MAML3: variants seen among roughly 807,000 people sequenced by gnomAD.
The protein encoded by MAML3 is mastermind like transcriptional coactivator 3.
In MAML3, 27 loss-of-function variants were observed where a neutral mutation model predicts 101.9. The observed-to-expected ratio is 0.27, with a 90% confidence interval of 0.20 to 0.37. MAML3 has a LOEUF of 0.37. Among genes scored for constraint, MAML3 ranks in the 10% least tolerant of loss-of-function variants. MAML3 has a pLI of 1.00. For missense variants in MAML3, 1,316 were observed against 1,444.9 expected, an observed-to-expected ratio of 0.91 and a Z score of 1.45; for synonymous variants, 501 against 555.9, an observed-to-expected ratio of 0.90 and a Z score of 1.39.
chr4:139,750,042 T>C (rs892291135), intron 2 of MAML3, among the ~76,000 whole-genome samples: 15 of 152,128 alleles, frequency 9.9e-5, no homozygotes, highest in African/African-American at 3.6e-4. Flanking sequence ...TACCCTGAAG[T>C]GCCAATAGGA....
chr4:139,964,472 C>T (rs895041007), intron 1 of MAML3, among the ~76,000 whole-genome samples: 2 of 152,072 alleles, frequency 1.3e-5, no homozygotes, highest in Admixed American at 1.3e-4. Context: ...ACTTAGAGGA[C>T]GGGTCAATAA....
chr4:139,797,073 C>G (rs779188992), intron 2 of MAML3, among the ~76,000 whole-genome samples: 17 of 152,132 alleles, frequency 1.1e-4, no homozygotes, highest in Non-Finnish European at 1.6e-4. Context: ...AGGTACTCCC[C>G]CTACATGACA....
chr4:139,956,207 T>G (rs1261080033), intron 1 of MAML3, among the ~76,000 whole-genome samples: 1 of 152,210 alleles, frequency 6.6e-6, no homozygotes, highest in African/African-American at 2.4e-5. Context: ...CATTCACGGA[T>G]ATGAGAGGAT....
intron 1 of MAML3, among the ~76,000 whole-genome samples, chr4:139,986,038 CATT>C (rs1447541957): frequency 6.6e-6 from 1 of 152,256 alleles, no homozygotes; most frequent in Non-Finnish European, 1.5e-5. Flanking sequence ...ATCTAGCCCT[CATT>C]ATGTTTCTTC....
chr4:139,987,891 G>A (rs902424996), intron 1 of MAML3, among the ~76,000 whole-genome samples: 8 of 151,258 alleles, frequency 5.3e-5, no homozygotes, highest in African/African-American at 1.9e-4. Flanking sequence ...GCATGGTGGC[G>A]GGCACCTGTA....
chr4:139,833,614 C>T (rs928696641), intron 2 of MAML3, among the ~76,000 whole-genome samples: 2 of 152,114 alleles, frequency 1.3e-5, no homozygotes, highest in African/African-American at 4.8e-5. Context: ...TACAGTGCTT[C>T]GACTCTGAGT....
intron 2 of MAML3, among the ~76,000 whole-genome samples, chr4:139,830,661 G>A (rs971154430): frequency 6.6e-5 from 10 of 151,886 alleles, no homozygotes; most frequent in Admixed American, 2.0e-4. Context: ...TGATCCGCCC[G>A]CCTCGGCCTC....
At chr4:140,038,217 C>T (rs1446902202) in intron 1 of MAML3, among the ~76,000 whole-genome samples, 1 of 103,082 alleles carries the variant, frequency 9.7e-6, no homozygotes, top group Non-Finnish European at 2.5e-5. Context: ...AACCACAGAA[C>T]CACAGAACTT....
intron 1 of MAML3, among the ~76,000 whole-genome samples, chr4:140,100,986 A>G (rs1417888881): frequency 1.3e-5 from 2 of 152,170 alleles, no homozygotes; most frequent in Non-Finnish European, 2.9e-5. Flanking sequence ...CCAAGGCTCC[A>G]TGGAGAGGCA....
In MAML3 at chr4:139,780,623, C is replaced by CTT. The variant is rs35929438; in HGVS notation, c.2080-49958_2080-49957dup. Among the ~76,000 whole-genome samples, 33 of 136,940 alleles carry CTT rather than the reference C, an allele frequency of 2.4e-4. 1 individual carries two copies. Among genetic ancestry groups the CTT allele is most frequent in the African/African-American group, 4.1e-4 (15 of 36,836 alleles). The allele number at this position is 136,940 out of a possible 152,430, so 89.8% of individuals were successfully genotyped here. ...GGTCGCCCATTTCTTTCTTTCTTTTCTTTTTTTTTTTTTTTTTTGGAGACA... is the reference window on the plus strand; with the variant it reads ...GGTCGCCCATTTCTTTCTTTCTTTTCTTTTTTTTTTTTTTTTTTTTGGAGACA... On this transcript the variant is annotated intron_variant, in intron 2 of 4. Coordinates refer to ENST00000509479, the MANE Select transcript of MAML3 (RefSeq NM_018717.5).
rs1309568878 is a variant in MAML3, at chr4:140,153,064, G to A, written c.264C>T (p.His88=). ...GCTGGTACCTGTTCTCGCAGTTGACGTGGTGCCGACGGCAGCCCTCGATGC... is the reference window on the plus strand; with the variant it reads ...GCTGGTACCTGTTCTCGCAGTTGACATGGTGCCGACGGCAGCCCTCGATGC... ...RQRIEGCRRH[H]VNCENRYQQA... The change falls in exon 1 of 5, where the codon CAC becomes CAT. Residue 88 remains histidine (H), a synonymous_variant. Coordinates refer to ENST00000509479, the MANE Select transcript of MAML3 (RefSeq NM_018717.5). 12 of 1,569,552 alleles carry A rather than the reference G, an allele frequency of 7.6e-6. No homozygotes were observed. Among genetic ancestry groups the A allele is most frequent in the East Asian group, 7.1e-5 (3 of 42,148 alleles).
chr4:139,761,609 G>A (rs11734419), intron 2 of MAML3, among the ~76,000 whole-genome samples: 84,397 of 152,084 alleles, frequency 0.55, 25,716 homozygotes, highest in Middle Eastern at 0.69. Context: ...GCAAGTATTC[G>A]CTGATGGCCC....
intron 1 of MAML3, among the ~76,000 whole-genome samples, chr4:140,093,663 C>T (rs1355225107): frequency 1.3e-5 from 2 of 151,920 alleles, no homozygotes; most frequent in Non-Finnish European, 2.9e-5. Flanking sequence ...CTCCTGATCT[C>T]GTGATCCGCC....
intron 1 of MAML3, among the ~76,000 whole-genome samples, chr4:140,044,384 G>C (rs1180084560): frequency 2.0e-5 from 3 of 152,144 alleles, no homozygotes; most frequent in Non-Finnish European, 4.4e-5. Context: ...TATTATTGTG[G>C]ATTGACAATA....
intron 1 of MAML3, among the ~76,000 whole-genome samples, chr4:140,039,284 G>T (rs1420384278): frequency 1.3e-5 from 2 of 152,094 alleles, no homozygotes; most frequent in African/African-American, 4.8e-5. Flanking sequence ...TGAAGCTTTG[G>T]ATGACAGTCC....
intron 1 of MAML3, among the ~76,000 whole-genome samples, chr4:140,024,128 A>G (rs763935682): frequency 7.2e-5 from 11 of 151,948 alleles, no homozygotes; most frequent in African/African-American, 2.7e-4. Context: ...TTATTATCCA[A>G]TTTTCAAGAT....
At chr4:139,746,694 G>A (rs561367763) in intron 2 of MAML3, among the ~76,000 whole-genome samples, 2 of 152,278 alleles carry the variant, frequency 1.3e-5, no homozygotes, top group South Asian at 4.1e-4. Flanking sequence ...TCCGCAGGCA[G>A]CCAATTTGTT....
At chr4:140,137,052 T>A (rs975291588) in intron 1 of MAML3, among the ~76,000 whole-genome samples, 1 of 152,244 alleles carries the variant, frequency 6.6e-6, no homozygotes, top group African/African-American at 2.4e-5. Flanking sequence ...GCAGTGGCGC[T>A]ATCTCGGCTC....
chr4:140,046,519 T>C (rs1262201712), intron 1 of MAML3, among the ~76,000 whole-genome samples: 1 of 152,208 alleles, frequency 6.6e-6, no homozygotes, highest in Non-Finnish European at 1.5e-5. Flanking sequence ...GAAAACTTCA[T>C]TCTTCTCTAC....
Sources: allele counts gnomAD v4.1 joint callset (sites outside exome capture counted in the v4.1 genomes callset), GRCh38; gene constraint gnomAD v4.1.1; transcripts MANE v1.5; gene names NCBI Gene and HGNC (gene_info 2026-07-23, HGNC 2026-07-21).